The following CNTNAP5 variants were observed in gnomAD, a reference collection of about 807,000 sequenced individuals.
The protein encoded by CNTNAP5 is contactin associated protein family member 5.
Under a neutral mutation model 150.2 loss-of-function variants are expected in CNTNAP5, and 72 were observed. The observed-to-expected ratio is 0.48, with a 90% CI of 0.40 to 0.58. The LOEUF (loss-of-function observed/expected upper bound fraction) is 0.58. CNTNAP5 is among the 20% of genes least tolerant of loss of function. CNTNAP5 has a pLI of 0.00. For missense variants in CNTNAP5, 1,636 were observed against 1,626.2 expected, an observed-to-expected ratio of 1.01 and a Z score of -0.10; for synonymous variants, 672 against 619.8, an observed-to-expected ratio of 1.08 and a Z score of -1.25.
intron 3 of CNTNAP5, among the ~76,000 whole-genome samples, chr2:124,276,175 T>C (rs1055573054): frequency 1.3e-5 from 2 of 152,170 alleles, no homozygotes; most frequent in Non-Finnish European, 2.9e-5. Context: ...TAAATAAGAT[T>C]TTCCCCATGA....
rs1292783238 is a variant in CNTNAP5, at chr2:124,221,676, T to C, written c.83-29T>C. 2.9e-6 allele frequency: 4 copies of C among 1,372,900 alleles called. No homozygotes were observed. The Admixed American group carries it at 5.3e-5, about 18-fold the overall frequency. 85.0% of individuals were successfully genotyped at this position (1,372,900 alleles called of 1,614,324 possible). A position where few individuals can be genotyped will look rare whatever the true frequency, so the allele number is the denominator to read the frequency against. ...TGTTTCTTGCTAATAGAATCTGGTC[T>C]CTCTCCCTCTGTCCTCCTATCATTA... On this transcript the variant is annotated intron_variant, in intron 1 of 23. Coordinates refer to ENST00000682447, the MANE Select transcript of CNTNAP5 (RefSeq NM_001367498.1).
Position 124,608,804 on chromosome 2 carries a change from G to A in CNTNAP5, c.1757-997G>A, listed in dbSNP as rs969312601. Among the ~76,000 whole-genome samples the A allele has an allele frequency of 3.9e-5, 6 of 151,904 alleles. No individual in the cohort carries two copies. In the South Asian group the frequency reaches 8.3e-4, roughly 21 times the overall value. The stretch of plus-strand genomic sequence containing the variant: ...TACTAAAAATATAAAAATTAGCTGG[G>A]CGTGGTGGCATGTGCCTGTAATCTC... On this transcript the variant is annotated intron_variant, in intron 11 of 23. Coordinates refer to ENST00000682447, the MANE Select transcript of CNTNAP5 (RefSeq NM_001367498.1).
intron 10 of CNTNAP5, among the ~76,000 whole-genome samples, chr2:124,560,018 C>T (rs1695851820): frequency 1.3e-5 from 2 of 152,078 alleles, no homozygotes. Flanking sequence ...TGACCATAGA[C>T]AAATGAGTTT....
intron 7 of CNTNAP5, among the ~76,000 whole-genome samples, chr2:124,496,770 G>A (rs1694158944): frequency 1.3e-5 from 2 of 152,146 alleles, no homozygotes; most frequent in African/African-American, 4.8e-5. Flanking sequence ...GGATCTCACT[G>A]TCCCTACGGT....
intron 10 of CNTNAP5, among the ~76,000 whole-genome samples, chr2:124,530,279 C>A (rs1289457966): frequency 6.6e-6 from 1 of 152,178 alleles, no homozygotes; most frequent in Non-Finnish European, 1.5e-5. Context: ...CTCTACACTC[C>A]AGCCTGGGCG....
intron 19 of CNTNAP5, among the ~76,000 whole-genome samples, chr2:124,818,445 T>TGA (rs1682414623): frequency 6.6e-6 from 1 of 152,098 alleles, no homozygotes; most frequent in Non-Finnish European, 1.5e-5. Flanking sequence ...GAGGATGACT[T>TGA]GAGCCCAAGG....
At chr2:124,452,063 G>T (rs1225113445) in intron 6 of CNTNAP5, among the ~76,000 whole-genome samples, 1 of 152,038 alleles carries the variant, frequency 6.6e-6, no homozygotes, top group Non-Finnish European at 1.5e-5. Flanking sequence ...GGAAGGGCAT[G>T]AATCCAGTGT....
intron 10 of CNTNAP5, among the ~76,000 whole-genome samples, chr2:124,527,921 T>G (rs958188263): frequency 1.3e-5 from 2 of 152,068 alleles, no homozygotes; most frequent in Non-Finnish European, 2.9e-5. Context: ...GTTTGGCTGG[T>G]TTTTGCTCTT....
At chr2:124,269,374 G>T (rs575718174) in intron 3 of CNTNAP5, among the ~76,000 whole-genome samples, 122 of 152,216 alleles carry the variant, frequency 8.0e-4, no homozygotes, top group African/African-American at 2.7e-3. Context: ...GCTGAGCTAG[G>T]TTTCTTTCTT....
At chr2:124,513,909 G>A (rs1389740175) in intron 8 of CNTNAP5, among the ~76,000 whole-genome samples, 1 of 152,156 alleles carries the variant, frequency 6.6e-6, no homozygotes, top group African/African-American at 2.4e-5. Flanking sequence ...CTTTCTCATA[G>A]AAGCCATTTG....
chr2:124,068,511 C>G (rs374734868), intron 1 of CNTNAP5, among the ~76,000 whole-genome samples: 1 of 152,046 alleles, frequency 6.6e-6, no homozygotes, highest in Non-Finnish European at 1.5e-5. Context: ...CTAGGTGAAT[C>G]TGAAAGGCAA....
At chr2:124,850,188 G>A (rs1389823290) in intron 19 of CNTNAP5, among the ~76,000 whole-genome samples, 1 of 152,092 alleles carries the variant, frequency 6.6e-6, no homozygotes, top group African/African-American at 2.4e-5. Flanking sequence ...AGTAAAAATA[G>A]GTCACTAATT....
intron 19 of CNTNAP5, among the ~76,000 whole-genome samples, chr2:124,855,696 T>C (rs1458212409): frequency 6.6e-6 from 1 of 152,216 alleles, no homozygotes; most frequent in Non-Finnish European, 1.5e-5. Context: ...TTAATTAATG[T>C]AATTTTATTT....
rs781511557 is a variant in CNTNAP5 at position 124,524,480 on chromosome 2, A to G, written c.1477+28A>G. 4 of 1,581,256 alleles carry G rather than the reference A, an allele frequency of 2.5e-6. No homozygotes were observed. The East Asian group carries it at 9.2e-5, about 36-fold the overall frequency. ...AAATTCTCCAGTCTTTAAGAGGGAA[A>G]ATTAAGAAGGGAGGGAAATTTAAGT... is the stretch of plus-strand genomic sequence containing the variant. On this transcript the variant is annotated intron_variant, in intron 9 of 23. Transcript: ENST00000682447.
At chr2:124,395,300 T>C (rs149624783) in intron 3 of CNTNAP5, among the ~76,000 whole-genome samples, 147 of 152,276 alleles carry the variant, frequency 9.7e-4, no homozygotes, top group African/African-American at 3.3e-3. Context: ...AGCAACAGTG[T>C]TGAGCAGAGA....
chr2:124,444,505 G>A (rs1187620093), intron 5 of CNTNAP5, among the ~76,000 whole-genome samples: 1 of 152,112 alleles, frequency 6.6e-6, no homozygotes. Flanking sequence ...TGAGGCAGGA[G>A]AATCGCTTGA....
intron 3 of CNTNAP5, among the ~76,000 whole-genome samples, chr2:124,389,318 G>A (rs1049253912): frequency 2.0e-5 from 3 of 152,050 alleles, no homozygotes; most frequent in African/African-American, 7.2e-5. Flanking sequence ...AATTCTACTC[G>A]AAATAAAATA....
chr2:124,372,795 T>G (rs1482450443), intron 3 of CNTNAP5, among the ~76,000 whole-genome samples: 1 of 152,110 alleles, frequency 6.6e-6, no homozygotes, highest in Non-Finnish European at 1.5e-5. Flanking sequence ...TGCTAACTGG[T>G]ACATGTACCA....
At chr2:124,193,618 ATGAT>A (rs1420018107) in intron 1 of CNTNAP5, among the ~76,000 whole-genome samples, 6 of 152,348 alleles carry the variant, frequency 3.9e-5, no homozygotes, top group African/African-American at 1.2e-4. Flanking sequence ...ACACCTTGTT[ATGAT>A]ATAAACAGAT....
Sources: allele counts gnomAD v4.1 joint callset (sites outside exome capture counted in the v4.1 genomes callset), GRCh38; gene constraint gnomAD v4.1.1; transcripts MANE v1.5; gene names NCBI Gene and HGNC (gene_info 2026-07-23, HGNC 2026-07-21).